Variants in EDN3 observed in about 807,000 individuals in gnomAD.
EDN3 encodes endothelin 3, also known as endothelin-3.
Under a neutral mutation model 21.4 loss-of-function variants are expected in EDN3, and 9 were observed. That is an observed-to-expected ratio of 0.42 (90% confidence interval 0.25 to 0.73). The LOEUF is 0.73. Ranked by LOEUF, EDN3 falls within the 30% of genes least tolerant of loss-of-function variation. EDN3 has a pLI of 0.26. For synonymous variants in EDN3, 133 were observed against 126.2 expected (o/e 1.05, Z -0.36); for missense variants, 327 against 309.4 (o/e 1.06, Z -0.43).
chr20:59,301,738 G>C lies in EDN3; in HGVS notation c.365+16G>C. 6.2e-7 allele frequency: 1 copy of C among 1,613,986 alleles called. No individual in the cohort carries two copies. Among genetic ancestry groups the C allele is most frequent in the Non-Finnish European group, 8.5e-7 (1 of 1,179,840 alleles). On this transcript the variant is annotated intron_variant, in intron 2 of 4. Coordinates refer to ENST00000337938, the MANE Select transcript of EDN3 (RefSeq NM_207034.3). ...ACACTCCCGAGTAAGTCAGCCTTTT[G>C]TGGTGAGGAACGTGGCTCCCGGACC...
chr20:59,304,854 C>T (rs1453733186), intron 2 of EDN3, among the ~76,000 whole-genome samples: 1 of 152,154 alleles, frequency 6.6e-6, no homozygotes. Context: ...CTTGGTCGGC[C>T]CTTTCTGTTA....
intron 2 of EDN3, among the ~76,000 whole-genome samples, chr20:59,318,140 G>T (rs533468300): frequency 6.6e-6 from 1 of 152,340 alleles, no homozygotes; most frequent in East Asian, 1.9e-4. Flanking sequence ...GACACTTGGG[G>T]ATGAGCAGGG....
At chr20:59,313,688 C>T (rs1989985294) in intron 2 of EDN3, among the ~76,000 whole-genome samples, 2 of 152,196 alleles carry the variant, frequency 1.3e-5, no homozygotes, top group African/African-American at 4.8e-5. Flanking sequence ...AACGGTCTGC[C>T]TTGGGTCCTC....
Position 59,305,120 on chromosome 20 carries a change from C to T in EDN3, c.365+3398C>T, listed in dbSNP as rs1240917502. Among the ~76,000 whole-genome samples, 2 of 152,138 alleles carry T rather than the reference C, an allele frequency of 1.3e-5. No individual in the cohort carries two copies. The highest frequency in any genetic ancestry group is 1.9e-4 in the East Asian group (1 of 5,194). On this transcript the variant is annotated intron_variant, in intron 2 of 4. Transcript: ENST00000337938. This position sits in a 1 kb window ranked among gnomAD's most constrained non-coding sequence, Gnocchi z 4.2. Reference sequence around the variant, plus strand: ...CTGTGATATCTTCCCAAAAGTCCATCGCCCCAAAGAGGAACCAAATTTATA... The same window carrying T: ...CTGTGATATCTTCCCAAAAGTCCATTGCCCCAAAGAGGAACCAAATTTATA...
intron 2 of EDN3, among the ~76,000 whole-genome samples, chr20:59,318,040 A>G (rs901482368): frequency 9.2e-5 from 14 of 152,184 alleles, no homozygotes; most frequent in Non-Finnish European, 1.9e-4. Flanking sequence ...TGGGACTCAA[A>G]GCCATATGCT....
chr20:59,309,502 C>T (rs1989653018), intron 2 of EDN3, among the ~76,000 whole-genome samples: 1 of 152,168 alleles, frequency 6.6e-6, no homozygotes, highest in Non-Finnish European at 1.5e-5. Flanking sequence ...TAGAAAACAT[C>T]ATTTCATGAT....
chr20:59,322,273 G>A lies in EDN3; in HGVS notation c.543-99G>A. The A allele has an allele frequency of 7.4e-7, 1 of 1,344,754 alleles. No individual in the cohort carries two copies. Among genetic ancestry groups the A allele is most frequent in the South Asian group, 1.2e-5 (1 of 84,648 alleles). 83.3% of individuals were successfully genotyped at this position (1,344,754 alleles called of 1,614,324 possible). On this transcript the variant is annotated intron_variant, in intron 3 of 4. Coordinates refer to ENST00000337938, the MANE Select transcript of EDN3 (RefSeq NM_207034.3). The surrounding 1 kb of genome is among the most constrained non-coding windows in gnomAD (Gnocchi z 4.1). ...CGCAGTCCTTGGGGAACGCACTAAT[G>A]TGCTCATTGGTGGGGAAGAGGAAGT...
At chr20:59,324,084 C>T (rs1465738629) in intron 4 of EDN3, among the ~76,000 whole-genome samples, 3 of 152,168 alleles carry the variant, frequency 2.0e-5, no homozygotes, top group Non-Finnish European at 4.4e-5. Context: ...AAAGATGGGG[C>T]CAGGCTGCGG....
chr20:59,320,100 A>G (rs1013967201), intron 2 of EDN3, among the ~76,000 whole-genome samples: 1 of 151,938 alleles, frequency 6.6e-6, no homozygotes, highest in African/African-American at 2.4e-5. Context: ...ACACCATCAC[A>G]CTCCTCCTGC....
intron 1 of EDN3, 46 bp from the exon 2 acceptor site, chr20:59,301,364 G>A: frequency 1.3e-6 from 2 of 1,595,312 alleles, no homozygotes; most frequent in Non-Finnish European, 1.7e-6. Context: ...GGGTGTTGAG[G>A]GGTCTGCACA....
intron 2 of EDN3, among the ~76,000 whole-genome samples, chr20:59,310,281 C>G (rs1379379960): frequency 6.6e-6 from 1 of 152,200 alleles, no homozygotes; most frequent in African/African-American, 2.4e-5. Flanking sequence ...CCTTCCTTGT[C>G]ATGTTTCAGT....
intron 2 of EDN3, among the ~76,000 whole-genome samples, chr20:59,308,837 C>G (rs760391539): frequency 1.3e-5 from 2 of 152,208 alleles, no homozygotes; most frequent in Admixed American, 6.5e-5. Flanking sequence ...AAAGTCCTTG[C>G]TCAAGTTCTG....
chr20:59,302,216 C>T (rs908258412), intron 2 of EDN3, among the ~76,000 whole-genome samples: 2 of 152,174 alleles, frequency 1.3e-5, no homozygotes, highest in African/African-American at 4.8e-5. Context: ...GCACAGTCCA[C>T]TCGGGGTAGA....
At position 59,324,328 on chromosome 20, in the gene EDN3, C is replaced by T; in HGVS notation, c.589-3C>T. ...TTTCTTTTGCCCCCTTTCCCCAAGA[C>T]AGGTTGAAGTCAAGGACCAACAAAG... On this transcript the variant is annotated splice_polypyrimidine_tract_variant and splice_region_variant and intron_variant, in intron 4 of 4. Transcript: ENST00000337938. 6.2e-7 allele frequency: 1 copy of T among 1,614,044 alleles called. No homozygotes were observed.
intron 2 of EDN3, among the ~76,000 whole-genome samples, chr20:59,309,084 C>T (rs1363144574): frequency 6.6e-6 from 1 of 152,194 alleles, no homozygotes; most frequent in Non-Finnish European, 1.5e-5. Flanking sequence ...CCTTCCAGCC[C>T]CTCCTTTCTG....
chr20:59,301,772 A>G (rs772479696), intron 2 of EDN3, 50 bp downstream of exon 2: 6 of 1,593,654 alleles, frequency 3.8e-6, no homozygotes, highest in Non-Finnish European at 5.2e-6. Flanking sequence ...CCAGGCCCAC[A>G]TCTGCTCATT....
chr20:59,323,585 C>G (rs968404903), intron 4 of EDN3: 7 of 399,180 alleles, frequency 1.8e-5, no homozygotes, highest in African/African-American at 1.4e-4. Flanking sequence ...CAAAGAATAA[C>G]AGAAAGACAC....
At chr20:59,323,452 G>A (rs1387412975) in intron 4 of EDN3, among the ~76,000 whole-genome samples, 4 of 152,222 alleles carry the variant, frequency 2.6e-5, no homozygotes, top group Non-Finnish European at 5.9e-5. Context: ...TTGGGCACCT[G>A]CTACGGGCTG....
chr20:59,311,868 T>A (rs1489117980), intron 2 of EDN3, among the ~76,000 whole-genome samples: 1 of 152,254 alleles, frequency 6.6e-6, no homozygotes, highest in Non-Finnish European at 1.5e-5. Flanking sequence ...ACACAGACAA[T>A]TAGGTTAGGT....
Sources: gnomAD v4.1 joint callset for allele counts (sites outside exome capture counted in the v4.1 genomes callset) on GRCh38, gnomAD v4.1.1 for gene constraint, Gnocchi (gnomAD v3.1) non-coding constraint, MANE v1.5 for transcripts, NCBI Gene and HGNC (gene_info 2026-07-23, HGNC 2026-07-21) for gene names.